CDH22: variants seen among roughly 807,000 people sequenced by gnomAD.
The protein encoded by CDH22 is cadherin-22.
A neutral mutation model predicts 58.4 loss-of-function variants in CDH22; 30 were observed. The observed-to-expected ratio is 0.51, with a 90% CI of 0.38 to 0.70. The LOEUF is 0.70. Ranked by LOEUF, CDH22 falls within the 30% of genes least tolerant of loss-of-function variation. The pLI, the probability that CDH22 is intolerant of heterozygous loss-of-function variation, is 0.00. For synonymous variants in CDH22, 513 were observed against 558.2 expected (o/e 0.92, Z 1.14); for missense variants, 1,014 against 1,233.9 (o/e 0.82, Z 2.67).
Position 46,251,207 on chromosome 20 carries a change from G to T in CDH22, c.88C>A (p.Pro30Thr), listed in dbSNP as rs1017987628. 32 of 1,461,062 alleles carry T rather than the reference G, an allele frequency of 2.2e-5. No individual in the cohort carries two copies. Among genetic ancestry groups the T allele is most frequent in the South Asian group, 1.2e-4 (9 of 73,914 alleles). The allele number at this position is 1,461,062 out of a possible 1,614,324, so 90.5% of individuals were successfully genotyped here. ...LLLLLLLPPP[P>T]TLLGRLWAAG... is the part of the protein sequence containing the mutation. ...GCCCACAGGCGCCCCAGCAGCGTCG[G>T]CGGCGGCGGCAGCAGCAGCAGCAGC... Residue 30 changes from proline to threonine, a missense_variant, in exon 2 of 12, where the codon CCG (proline) becomes ACG (threonine). This residue lies in a region of CDH22 where 806 missense variants were observed against 1,038.7 expected (regional missense o/e 0.78). Coordinates refer to ENST00000537909, the MANE Select transcript of CDH22 (RefSeq NM_021248.3). The surrounding 1 kb of genome is among the most constrained non-coding windows in gnomAD (Gnocchi z 6.7).
At chr20:46,290,802 G>A (rs1235433588) in intron 1 of CDH22, among the ~76,000 whole-genome samples, 1 of 152,034 alleles carries the variant, frequency 6.6e-6, no homozygotes, top group African/African-American at 2.4e-5. Context: ...GAGAGAGAGA[G>A]TAATAGTTTT....
intron 1 of CDH22, among the ~76,000 whole-genome samples, chr20:46,295,654 C>T (rs2086625888): frequency 6.6e-6 from 1 of 152,232 alleles, no homozygotes; most frequent in Non-Finnish European, 1.5e-5. Context: ...CCAAGTCCAG[C>T]TTCCAGAATC....
rs368936207 is a variant in CDH22 at position 46,276,092 on chromosome 20, G to C, written c.-399-24399C>G. 3.9e-5 allele frequency among the ~76,000 whole-genome samples: 6 copies of C among 152,288 alleles called. No individual in the cohort carries two copies. The South Asian group carries it at 1.2e-3, about 32-fold the overall frequency. On this transcript the variant is annotated intron_variant, in intron 1 of 11. Coordinates refer to ENST00000537909, the MANE Select transcript of CDH22 (RefSeq NM_021248.3). ...GTGATGGGGGCAGAGGAGAGATGCT[G>C]GTGAGGTGGTTGCTGGTGCCAGGCT...
chr20:46,226,697 T>C (rs2086177424), intron 4 of CDH22, among the ~76,000 whole-genome samples: 1 of 152,112 alleles, frequency 6.6e-6, no homozygotes, highest in African/African-American at 2.4e-5. Context: ...CACAATGGCA[T>C]TTGATAAACA....
chr20:46,273,172 C>T (rs1438226635), intron 1 of CDH22, among the ~76,000 whole-genome samples: 1 of 152,104 alleles, frequency 6.6e-6, no homozygotes, highest in Non-Finnish European at 1.5e-5. Context: ...TTTCAATTCC[C>T]CTTATGCCGT....
Position 46,241,403 on chromosome 20 carries a change from G to A in CDH22, c.256-146C>T. ...TTAGTGAGGACACTGAGGCCCAGCA[G>A]CCACGCTCACTTCCATCCCTGGCCT... is the stretch of plus-strand genomic sequence containing the variant. On this transcript the variant is annotated intron_variant, in intron 2 of 11. Coordinates refer to ENST00000537909, the MANE Select transcript of CDH22 (RefSeq NM_021248.3). The surrounding 1 kb of genome is among the most constrained non-coding windows in gnomAD (Gnocchi z 5.2). 1.4e-6 allele frequency: 1 copy of A among 721,896 alleles called. No homozygotes were observed. The highest frequency in any genetic ancestry group is 1.9e-5 in the South Asian group (1 of 52,306). 44.7% of individuals were successfully genotyped at this position (721,896 alleles called of 1,614,324 possible). A position where few individuals can be genotyped will look rare whatever the true frequency, so the allele number is the denominator to read the frequency against.
At position 46,241,200 on chromosome 20, in the gene CDH22, C is replaced by G; in HGVS notation, c.313G>C (p.Gly105Arg). The change falls in exon 3 of 12, where the codon GGT becomes CGT. Residue 105 changes from glycine (G) to arginine (R), a missense_variant. By Grantham distance (125) the Gly-to-Arg change is moderately radical. Around this residue, in one of 2 missense-constraint regions of CDH22, gnomAD observed 806 missense variants for 1,038.7 expected, o/e 0.78. Coordinates refer to ENST00000537909, the MANE Select transcript of CDH22 (RefSeq NM_021248.3). This position sits in a 1 kb window ranked among gnomAD's most constrained non-coding sequence, Gnocchi z 5.2. The stretch of plus-strand genomic sequence containing the variant: ...TCGATCAGGAAGATGGTCCCAGCAC[C>G]CTCGCCTGAGATGGTGTACTTGATG... ...GAIKYTISGE[G>R]AGTIFLIDEL... 6.2e-7 allele frequency: 1 copy of G among 1,613,904 alleles called. No individual in the cohort carries two copies. Among genetic ancestry groups the G allele is most frequent in the Non-Finnish European group, 8.5e-7 (1 of 1,179,864 alleles).
intron 10 of CDH22, among the ~76,000 whole-genome samples, chr20:46,178,640 G>T (rs1258460533): frequency 8.5e-6 from 1 of 118,292 alleles, no homozygotes; most frequent in Non-Finnish European, 1.7e-5. Flanking sequence ...TTTTGCTCTA[G>T]ATTCCACCCC....
At chr20:46,188,293 T>C (rs1341377371) in intron 8 of CDH22, among the ~76,000 whole-genome samples, 1 of 152,182 alleles carries the variant, frequency 6.6e-6, no homozygotes, top group Non-Finnish European at 1.5e-5. Flanking sequence ...CAGTGCTGGG[T>C]AGTTCTGATT....
intron 1 of CDH22, among the ~76,000 whole-genome samples, chr20:46,307,929 C>T (rs908435539): frequency 1.3e-5 from 2 of 151,918 alleles, no homozygotes; most frequent in Admixed American, 1.3e-4. Flanking sequence ...TGCCACCCCT[C>T]GGCCCGCGGG....
chr20:46,255,916 G>T (rs1401159420), intron 1 of CDH22, among the ~76,000 whole-genome samples: 1 of 152,140 alleles, frequency 6.6e-6, no homozygotes, highest in Non-Finnish European at 1.5e-5. Flanking sequence ...TCAGCCTACT[G>T]CACAGAGCTG....
In CDH22 at chr20:46,174,238, C is replaced by G. The variant is rs547074596; in HGVS notation, c.*268G>C. 1 of 458,068 alleles carries G rather than the reference C, an allele frequency of 2.2e-6. No individual in the cohort carries two copies. The highest frequency in any genetic ancestry group is 2.1e-5 in the African/African-American group (1 of 48,406). 28.4% of individuals were successfully genotyped at this position (458,068 alleles called of 1,614,324 possible). ...GACTCTGCAACGCCACCCCCATCTCCCATTCTAACCCCAGAGCCACACCGT... is the reference window on the plus strand; with the variant it reads ...GACTCTGCAACGCCACCCCCATCTCGCATTCTAACCCCAGAGCCACACCGT... On this transcript the variant is annotated 3_prime_UTR_variant, in exon 12 of 12. Coordinates refer to ENST00000537909, the MANE Select transcript of CDH22 (RefSeq NM_021248.3). This position sits in a 1 kb window ranked among gnomAD's most constrained non-coding sequence, Gnocchi z 4.4.
intron 8 of CDH22, among the ~76,000 whole-genome samples, chr20:46,192,287 C>A (rs950133765): frequency 6.6e-6 from 1 of 152,198 alleles, no homozygotes; most frequent in Admixed American, 6.5e-5. Flanking sequence ...CATGGCCACG[C>A]TCCAGGAGGG....
chr20:46,176,742 A>C (rs1432590751), intron 11 of CDH22, among the ~76,000 whole-genome samples: 1 of 152,202 alleles, frequency 6.6e-6, no homozygotes, highest in Non-Finnish European at 1.5e-5. Context: ...ACAGGGAAGG[A>C]AGGTGTCAGG....
At chr20:46,239,901 T>C (rs1001975677) in intron 3 of CDH22, among the ~76,000 whole-genome samples, 1 of 152,242 alleles carries the variant, frequency 6.6e-6, no homozygotes, top group African/African-American at 2.4e-5. Context: ...AGCCTCAGTG[T>C]CCTGCTGCTG....
chr20:46,257,310 A>T (rs1486869838), intron 1 of CDH22, among the ~76,000 whole-genome samples: 4 of 152,080 alleles, frequency 2.6e-5, no homozygotes, highest in Non-Finnish European at 5.9e-5. Flanking sequence ...AAGAAAAAAA[A>T]AAAAAATCAT....
intron 4 of CDH22, among the ~76,000 whole-genome samples, chr20:46,226,532 C>T (rs1046877024): frequency 1.6e-4 from 24 of 152,236 alleles, no homozygotes; most frequent in Middle Eastern, 3.4e-3. Flanking sequence ...ATCCTCCCAC[C>T]TTGGCCTCCC....
chr20:46,279,131 C>T (rs2086536029), intron 1 of CDH22, among the ~76,000 whole-genome samples: 1 of 152,172 alleles, frequency 6.6e-6, no homozygotes, highest in South Asian at 2.1e-4. Flanking sequence ...AATCTTGGCT[C>T]CCACGTGGTT....
At chr20:46,253,206 C>T (rs529484329) in intron 1 of CDH22, among the ~76,000 whole-genome samples, 5 of 152,336 alleles carry the variant, frequency 3.3e-5, no homozygotes, top group African/African-American at 1.2e-4. Context: ...CTTTAACTCA[C>T]GGGAATCACA....
Sources: gnomAD v4.1 joint callset for allele counts (sites outside exome capture counted in the v4.1 genomes callset) on GRCh38, gnomAD v4.1.1 for gene constraint, gnomAD v4.1.1 regional missense constraint, Gnocchi (gnomAD v3.1) non-coding constraint, MANE v1.5 for transcripts, NCBI Gene and HGNC (gene_info 2026-07-23, HGNC 2026-07-21) for gene names.